MTUS2: variants seen among roughly 807,000 people sequenced by gnomAD.
MTUS2 encodes microtubule associated scaffold protein 2.
Under a neutral mutation model 114.1 loss-of-function variants are expected in MTUS2, and 40 were observed. The observed-to-expected ratio is 0.35, with a 90% CI of 0.27 to 0.46. MTUS2 has a LOEUF of 0.46. MTUS2 is among the 20% of genes least tolerant of loss of function. The pLI is 1.00. For missense variants in MTUS2, 1,679 were observed against 1,705.4 expected (o/e 0.98, Z 0.27); for synonymous variants, 688 against 672.0 (o/e 1.02, Z -0.37).
rs116012031 is a variant in MTUS2 at position 29,155,924 on chromosome 13, G to A, written c.2644+54954G>A. ...TTAAAAATATTTAACAACTAGTATA[G>A]CACAGATATTGACATAGGAGGCAGG... On this transcript the variant is annotated intron_variant, in intron 5 of 15. Transcript: ENST00000612955. Among the ~76,000 whole-genome samples the A allele has an allele frequency of 5.6e-3, 848 of 152,090 alleles. 13 individuals are homozygous for A. Among genetic ancestry groups the A allele is most frequent in the African/African-American group, 0.02 (809 of 41,476 alleles).
chr13:29,499,978 C>T (rs1226705690), intron 14 of MTUS2, among the ~76,000 whole-genome samples: 1 of 152,254 alleles, frequency 6.6e-6, no homozygotes, highest in East Asian at 1.9e-4. Context: ...CGGGGAGCTA[C>T]AGGACAGCGC....
At chr13:28,917,632 G>A (rs187478820) in intron 2 of MTUS2, among the ~76,000 whole-genome samples, 28 of 150,510 alleles carry the variant, frequency 1.9e-4, no homozygotes, top group Admixed American at 7.3e-4. Context: ...CATTAGTCTC[G>A]CTAAAAATTT....
intron 7 of MTUS2, among the ~76,000 whole-genome samples, chr13:29,345,882 G>A (rs9579350): frequency 0.2 from 29,795 of 151,936 alleles, 3,057 homozygotes; most frequent in Middle Eastern, 0.23. Flanking sequence ...TTCCCCTAGG[G>A]GTGGGGCTTC....
intron 5 of MTUS2, among the ~76,000 whole-genome samples, chr13:29,116,838 C>T (rs1891110379): frequency 6.6e-6 from 1 of 152,138 alleles, no homozygotes; most frequent in African/African-American, 2.4e-5. Context: ...CATGAGATTT[C>T]ATCTTGCTAC....
At chr13:29,383,246 G>GTATATATATATATATTTATTTA (rs1291436254) in intron 8 of MTUS2, among the ~76,000 whole-genome samples, 971 of 55,232 alleles carry the variant, frequency 0.018, 7 homozygotes, top group East Asian at 0.054. Flanking sequence ...GTGTGTGTGT[G>GTATATATATATATATTTATTTA]TGTGTGTATT....
At chr13:29,065,163 G>C (rs1310933584) in intron 4 of MTUS2, among the ~76,000 whole-genome samples, 3 of 152,138 alleles carry the variant, frequency 2.0e-5, no homozygotes, top group Non-Finnish European at 4.4e-5. Context: ...TTGCTGGGTT[G>C]AATGGTAGTT....
chr13:29,276,748 A>G (rs1243285968), intron 5 of MTUS2, among the ~76,000 whole-genome samples: 1 of 151,996 alleles, frequency 6.6e-6, no homozygotes, highest in African/African-American at 2.4e-5. Context: ...AAATACAAAC[A>G]TTAGCCAGCC....
intron 2 of MTUS2, among the ~76,000 whole-genome samples, chr13:28,984,529 G>A (rs766213167): frequency 4.6e-5 from 7 of 152,160 alleles, no homozygotes; most frequent in Admixed American, 2.0e-4. Context: ...AGCTTGCAGC[G>A]CACTCTCTGT....
rs564865746 is a variant in MTUS2 at position 29,332,137 on chromosome 13, C to T, written c.2905+7426C>T. On this transcript the variant is annotated intron_variant, in intron 7 of 15. Transcript: ENST00000612955. ...TGGAATAGTTTCAGAAGGAATGGTA[C>T]CAGCTCCTCTTTGTACCTCAGGTAG... Among the ~76,000 whole-genome samples, 124 of 152,270 alleles carry T rather than the reference C, an allele frequency of 8.1e-4. 1 individual carries two copies. The highest frequency in any genetic ancestry group is 2.9e-3 in the African/African-American group (121 of 41,556).
At chr13:29,318,257 GTT>G (rs34302306) in intron 6 of MTUS2, among the ~76,000 whole-genome samples, 38 of 139,166 alleles carry the variant, frequency 2.7e-4, no homozygotes, top group African/African-American at 6.8e-4. Context: ...AATGTTTTAG[GTT>G]TTTTTTTTTT....
chr13:28,949,972 G>C (rs1407403260), intron 2 of MTUS2, among the ~76,000 whole-genome samples: 1 of 152,188 alleles, frequency 6.6e-6, no homozygotes, highest in East Asian at 1.9e-4. Context: ...ATCCAACCCA[G>C]AAGGGGAATT....
chr13:28,962,323 C>T (rs1883368806), intron 2 of MTUS2, among the ~76,000 whole-genome samples: 1 of 151,994 alleles, frequency 6.6e-6, no homozygotes, highest in African/African-American at 2.4e-5. Context: ...CTGGCCCCAA[C>T]TCCTTGATAT....
At chr13:28,942,295 C>T (rs1882283434) in intron 2 of MTUS2, among the ~76,000 whole-genome samples, 1 of 152,004 alleles carries the variant, frequency 6.6e-6, no homozygotes, top group Non-Finnish European at 1.5e-5. Context: ...CACCCTGCCA[C>T]TCCCCAAGAA....
intron 2 of MTUS2, among the ~76,000 whole-genome samples, chr13:28,966,624 C>A (rs1202921919): frequency 6.8e-6 from 1 of 146,880 alleles, no homozygotes; most frequent in East Asian, 2.0e-4. Context: ...ACTTAGGAGG[C>A]TGAGGCAGGA....
At chr13:29,478,956 TC>T (rs1182467538) in intron 9 of MTUS2, among the ~76,000 whole-genome samples, 1 of 152,190 alleles carries the variant, frequency 6.6e-6, no homozygotes, top group Non-Finnish European at 1.5e-5. Flanking sequence ...AACGTTAACA[TC>T]CCTTATGCTA....
At chr13:29,341,089 T>C (rs1299878257) in intron 7 of MTUS2, among the ~76,000 whole-genome samples, 1 of 152,190 alleles carries the variant, frequency 6.6e-6, no homozygotes, top group Non-Finnish European at 1.5e-5. Context: ...TTTGCAATTG[T>C]GAATTCTGCT....
At chr13:28,902,166 A>G (rs1369823981) in intron 2 of MTUS2, among the ~76,000 whole-genome samples, 1 of 152,154 alleles carries the variant, frequency 6.6e-6, no homozygotes. Context: ...ATTGATATTT[A>G]CATGTTGATC....
At chr13:29,431,780 A>C (rs1374219517) in intron 8 of MTUS2, among the ~76,000 whole-genome samples, 1 of 152,192 alleles carries the variant, frequency 6.6e-6, no homozygotes, top group Admixed American at 6.5e-5. Context: ...GATATGGTGC[A>C]TAGGGAGTGT....
At position 29,474,544 on chromosome 13, in the gene MTUS2, T is replaced by C. The variant is rs956039158; in HGVS notation, c.3185-5606T>C. On this transcript the variant is annotated intron_variant, in intron 9 of 15. Coordinates refer to ENST00000612955, the MANE Select transcript of MTUS2 (RefSeq NM_001033602.4). ...TCCCAAAGGAGAAAGAGTAGAAATA[T>C]AGATACACTTTTTATCACAAATGTA... 3.3e-5 allele frequency among the ~76,000 whole-genome samples: 5 copies of C among 152,226 alleles called. No individual in the cohort carries two copies. The South Asian group carries it at 1.0e-3, about 32-fold the overall frequency.
Sources: allele counts gnomAD v4.1 joint callset (sites outside exome capture counted in the v4.1 genomes callset), GRCh38; gene constraint gnomAD v4.1.1; transcripts MANE v1.5; gene names NCBI Gene and HGNC (gene_info 2026-07-23, HGNC 2026-07-21).